The following CDSN variants were observed in gnomAD, a reference collection of about 807,000 sequenced individuals.
CDSN encodes the protein corneodesmosin, also known as S protein.
In CDSN, 11 loss-of-function variants were observed where a neutral mutation model predicts 25.6. That is an observed-to-expected ratio of 0.43 (90% confidence interval 0.27 to 0.71). The LOEUF is 0.71. Among genes scored for constraint, CDSN ranks in the 30% least tolerant of loss-of-function variants. The pLI is 0.20. For missense variants in CDSN, 598 were observed against 670.9 expected, an observed-to-expected ratio of 0.89 and a Z score of 1.20; for synonymous variants, 266 against 267.4, an observed-to-expected ratio of 0.99 and a Z score of 0.05.
Position 31,117,456 on chromosome 6 carries a change from G to C in CDSN, c.159C>G (p.Asp53Glu), listed in dbSNP as rs1362336139. The change falls in exon 2 of 2, where the codon GAC (aspartate) becomes GAG (glutamate). Residue 53 changes from aspartate to glutamate, a missense_variant. Coordinates refer to ENST00000376288, the MANE Select transcript of CDSN (RefSeq NM_001264.5). ...AGTCACCCTTCCCAGTGAGGCAGGG[G>C]TCGTTAGGGGAGGTGATACGCGTGG... is the stretch of plus-strand genomic sequence containing the variant. Reference protein sequence around the residue: ...KDPTRITSPNDPCLTGKGDSS... With the variant: ...KDPTRITSPNEPCLTGKGDSS... 1 of 1,555,828 alleles carries C rather than the reference G, an allele frequency of 6.4e-7. No homozygotes were observed.
At chr6:31,119,934 A>G (rs1660126249) in intron 1 of CDSN, among the ~76,000 whole-genome samples, 1 of 152,074 alleles carries the variant, frequency 6.6e-6, no homozygotes, top group African/African-American at 2.4e-5. Context: ...AAAAGTTCTA[A>G]TATATAATCC....
rs781230918 is a variant in CDSN at position 31,117,652 on chromosome 6, G to A, written c.86-123C>T. The stretch of plus-strand genomic sequence containing the variant: ...CAAGCAGAGCGCAGGGAGAGTTTAG[G>A]GATGGAGAAAGGAGGAAGAACTGGC... On this transcript the variant is annotated intron_variant, in intron 1 of 1. Coordinates refer to ENST00000376288, the MANE Select transcript of CDSN (RefSeq NM_001264.5). 48 of 815,228 alleles carry A rather than the reference G, an allele frequency of 5.9e-5. 1 individual carries two copies. Among genetic ancestry groups the A allele is most frequent in the Non-Finnish European group, 8.6e-5 (42 of 490,374 alleles). 50.5% of individuals were successfully genotyped at this position (815,228 alleles called of 1,614,324 possible).
In CDSN at chr6:31,120,387, A is replaced by G; in HGVS notation, c.33T>C (p.Arg11=). 1 of 1,593,770 alleles carries G rather than the reference A, an allele frequency of 6.3e-7. No individual in the cohort carries two copies. Among genetic ancestry groups the G allele is most frequent in the Non-Finnish European group, 8.5e-7 (1 of 1,170,970 alleles). Residue 11 remains arginine (R), a synonymous_variant, in exon 1 of 2, where the codon CGT becomes CGC. Coordinates refer to ENST00000376288, the MANE Select transcript of CDSN (RefSeq NM_001264.5). Reference sequence around the variant, plus strand: ...GTGCCATCATCCCGTGCCCACCCACACGCCCCATCCAGGGTGCCCGAGACG... The same window carrying G: ...GTGCCATCATCCCGTGCCCACCCACGCGCCCCATCCAGGGTGCCCGAGACG... MGSSRAPWMG[R]VGGHGMMALL... is the part of the protein sequence containing the mutation.
At position 31,117,077 on chromosome 6, in the gene CDSN, C is replaced by T. The variant is rs1772182677; in HGVS notation, c.538G>A (p.Asp180Asn). Residue 180 changes from aspartate (D) to asparagine (N), a missense_variant, in exon 2 of 2, where the codon GAC (aspartate) becomes AAC (asparagine). Asp to Asn is a conservative substitution (Grantham distance 23). Coordinates refer to ENST00000376288, the MANE Select transcript of CDSN (RefSeq NM_001264.5). The part of the protein sequence containing the change: ...VGNGSALPTN[D>N]NSYRGILNPS... Reference sequence around the variant, plus strand: ...TTTAGTATTCCGCGGTAAGAGTTGTCATTGGTTGGCAGAGCAGAGCCATTC... The same window carrying T: ...TTTAGTATTCCGCGGTAAGAGTTGTTATTGGTTGGCAGAGCAGAGCCATTC... 6.2e-7 allele frequency: 1 copy of T among 1,614,054 alleles called. No individual in the cohort carries two copies.
rs753307421 is a variant in CDSN, at chr6:31,116,186, G to T, written c.1429C>A (p.Pro477Thr). ...GGCTTGGCACCAGCGGAGGGATCAGGATGGGGAGAGCCATCGGGGCCCCCA... is the reference window on the plus strand; with the variant it reads ...GGCTTGGCACCAGCGGAGGGATCAGTATGGGGAGAGCCATCGGGGCCCCCA... ...LTGGPDGSPHPDPSAGAKPCG... is the reference protein window; with the variant it reads ...LTGGPDGSPHTDPSAGAKPCG... Residue 477 changes from proline (P) to threonine (T), a missense_variant, in exon 2 of 2, where the codon CCT becomes ACT. By Grantham distance (38) the Pro-to-Thr change is conservative. Transcript: ENST00000376288. The T allele has an allele frequency of 1.9e-6, 3 of 1,613,576 alleles. No individual in the cohort carries two copies. Among genetic ancestry groups the T allele is most frequent in the Non-Finnish European group, 2.5e-6 (3 of 1,179,718 alleles).
chr6:31,117,038 C>T lies in CDSN; in HGVS notation c.577G>A (p.Gly193Arg). Residue 193 changes from glycine (G) to arginine (R), a missense_variant, in exon 2 of 2, where the codon GGA (glycine) becomes AGA (arginine). Coordinates refer to ENST00000376288, the MANE Select transcript of CDSN (RefSeq NM_001264.5). ...YRGILNPSQP[G>R]QSSSSSQTFG... The stretch of plus-strand genomic sequence containing the variant: ...GTCTGGGAAGAGGAAGAGCTTTGTC[C>T]AGGCTGGGAAGGGTTTAGTATTCCG... The T allele has an allele frequency of 2.5e-6, 4 of 1,614,220 alleles. No homozygotes were observed. The highest frequency in any genetic ancestry group is 3.4e-6 in the Non-Finnish European group (4 of 1,180,034).
chr6:31,116,407 C>T lies in CDSN; in HGVS notation c.1208G>A (p.Ser403Asn). ...GGGTAAACCGGAGCTGCTGGAAATG[C>T]TAGAACTGCTGGGGACTCGAGAACT... is the stretch of plus-strand genomic sequence containing the variant. ...PSSSRVPSSS[S>N]ISSSSGLPYH... The change falls in exon 2 of 2, where the codon AGC becomes AAC. Residue 403 changes from serine to asparagine, a missense_variant. Transcript: ENST00000376288. 6.3e-7 allele frequency: 1 copy of T among 1,596,268 alleles called. No homozygotes were observed. Among genetic ancestry groups the T allele is most frequent in the Non-Finnish European group, 8.5e-7 (1 of 1,171,380 alleles).
chr6:31,116,578 G>C lies in CDSN; in HGVS notation c.1037C>G (p.Ser346Cys). The change falls in exon 2 of 2, where the codon TCT becomes TGT. Residue 346 changes from serine (S) to cysteine (C), a missense_variant. Ser to Cys is a moderately radical substitution (Grantham distance 112, BLOSUM62 -1). Coordinates refer to ENST00000376288, the MANE Select transcript of CDSN (RefSeq NM_001264.5). Reference sequence around the variant, plus strand: ...GTTGCTGGAGAAGTATTTGCCCTCAGAGATGGGGGGCCCAGCTGCAAAGGA... The same window carrying C: ...GTTGCTGGAGAAGTATTTGCCCTCACAGATGGGGGGCCCAGCTGCAAAGGA... The part of the protein sequence containing the change: ...VPSFAAGPPI[S>C]EGKYFSSNPI... 1.2e-6 allele frequency: 2 copies of C among 1,613,830 alleles called. No individual in the cohort carries two copies. The highest frequency in any genetic ancestry group is 8.5e-7 in the Non-Finnish European group (1 of 1,179,986).
At position 31,115,664 on chromosome 6, in the gene CDSN, T is replaced by C. The variant is rs772717288; in HGVS notation, c.*361A>G. 31 of 315,038 alleles carry C rather than the reference T, an allele frequency of 9.8e-5. No individual in the cohort carries two copies. Among genetic ancestry groups the C allele is most frequent in the Non-Finnish European group, 1.6e-4 (28 of 170,596 alleles). 19.5% of individuals were successfully genotyped at this position (315,038 alleles called of 1,614,324 possible). ...AGGCGTCAGAGGTGCTCTGAGAGCA[T>C]TTCAGGGGTTTCCCAGTTGAGAAGC... is the stretch of plus-strand genomic sequence containing the variant. On this transcript the variant is annotated 3_prime_UTR_variant, in exon 2 of 2. Coordinates refer to ENST00000376288, the MANE Select transcript of CDSN (RefSeq NM_001264.5). The surrounding 1 kb of genome is among the most constrained non-coding windows in gnomAD (Gnocchi z 4.2).
rs1772057296 is a variant in CDSN, at chr6:31,115,466, G to A, written c.*559C>T. The A allele has an allele frequency of 6.0e-6, 1 of 165,946 alleles. No individual in the cohort carries two copies. Among genetic ancestry groups the A allele is most frequent in the Non-Finnish European group, 1.3e-5 (1 of 75,242 alleles). The allele number at this position is 165,946 out of a possible 1,614,324, so 10.3% of individuals were successfully genotyped here. On this transcript the variant is annotated 3_prime_UTR_variant, in exon 2 of 2. Coordinates refer to ENST00000376288, the MANE Select transcript of CDSN (RefSeq NM_001264.5). The surrounding 1 kb of genome is among the most constrained non-coding windows in gnomAD (Gnocchi z 4.2). ...GTTGGGGACGGTGATCTAGGAGGGC[G>A]TGGTGAGCTCTGTAATGGAGGGTGG...
Position 31,116,971 on chromosome 6 carries a change from T to C in CDSN, c.644A>G (p.Gln215Arg). Residue 215 changes from glutamine (Q) to arginine (R), a missense_variant, in exon 2 of 2, where the codon CAG (glutamine) becomes CGG (arginine). Transcript: ENST00000376288. ...SSSGQSVSSN[Q>R]RPCSSDIPDS... ...GGGGATGTCCGAACTACAGGGACGCTGGTTGGAGCTGACGCTTTGGCCACT... is the reference window on the plus strand; with the variant it reads ...GGGGATGTCCGAACTACAGGGACGCCGGTTGGAGCTGACGCTTTGGCCACT... 6.2e-7 allele frequency: 1 copy of C among 1,614,164 alleles called. No individual in the cohort carries two copies. Among genetic ancestry groups the C allele is most frequent in the Non-Finnish European group, 8.5e-7 (1 of 1,180,032 alleles).
At chr6:31,120,233 CAAA>C (rs1772379583) in intron 1 of CDSN, 99 bp downstream of exon 1, 1 of 936,998 alleles carries the variant, frequency 1.1e-6, no homozygotes, top group South Asian at 1.4e-5. Flanking sequence ...CCCCCAGACT[CAAA>C]AGGCAGATTC....
At chr6:31,118,652 C>A (rs557623146) in intron 1 of CDSN, 1 of 152,412 alleles carries the variant, frequency 6.6e-6, no homozygotes, top group South Asian at 2.1e-4. Context: ...CTTTCACCTG[C>A]GTTCCTTCTG....
In CDSN at chr6:31,116,116, CGGATGGAGCGGCA is replaced by C. The variant is rs780284826; in HGVS notation, c.1486_1498del (p.Cys496GlyfsTer4). The stretch of plus-strand genomic sequence containing the variant: ...AGGCTTCACTTGGGCTAGGATATCC[CGGATGGAGCGGCA>C]GGGGATCTTTCCAGCACTGCTGGAG... On this transcript the variant is annotated frameshift_variant, in exon 2 of 2. Coordinates refer to ENST00000376288, the MANE Select transcript of CDSN (RefSeq NM_001264.5). LOFTEE classifies it high-confidence loss of function. The C allele has an allele frequency of 1.2e-6, 2 of 1,610,842 alleles. No homozygotes were observed. The highest frequency in any genetic ancestry group is 1.3e-5 in the African/African-American group (1 of 74,870).
rs1321662798 is a variant in CDSN at position 31,115,459 on chromosome 6, G to C, written c.*566C>G. Reference sequence around the variant, plus strand: ...TGGGTGTGTTGGGGACGGTGATCTAGGAGGGCGTGGTGAGCTCTGTAATGG... The same window carrying C: ...TGGGTGTGTTGGGGACGGTGATCTACGAGGGCGTGGTGAGCTCTGTAATGG... On this transcript the variant is annotated 3_prime_UTR_variant, in exon 2 of 2. Transcript: ENST00000376288. This position sits in a 1 kb window ranked among gnomAD's most constrained non-coding sequence, Gnocchi z 4.2. 6.0e-6 allele frequency: 1 copy of C among 165,962 alleles called. No homozygotes were observed. The highest frequency in any genetic ancestry group is 5.5e-5 in the Admixed American group (1 of 18,154). The allele number at this position is 165,962 out of a possible 1,614,324, so 10.3% of individuals were successfully genotyped here.
rs1228793447 is a variant in CDSN, at chr6:31,116,962, C to T, written c.653G>A (p.Cys218Tyr). The T allele has an allele frequency of 2.0e-5, 33 of 1,614,090 alleles. No individual in the cohort carries two copies. Among genetic ancestry groups the T allele is most frequent in the Non-Finnish European group, 2.6e-5 (31 of 1,180,032 alleles). ...GGGAGAGTCGGGGATGTCCGAACTA[C>T]AGGGACGCTGGTTGGAGCTGACGCT... is the stretch of plus-strand genomic sequence containing the variant. ...GQSVSSNQRP[C>Y]SSDIPDSPCS... The change falls in exon 2 of 2, where the codon TGT becomes TAT. Residue 218 changes from cysteine (C) to tyrosine (Y), a missense_variant. Physicochemically the swap from Cys to Tyr is radical, Grantham distance 194. Coordinates refer to ENST00000376288, the MANE Select transcript of CDSN (RefSeq NM_001264.5).
Position 31,117,068 on chromosome 6 carries a change from A to C in CDSN, c.547T>G (p.Tyr183Asp). 8 of 1,614,198 alleles carry C rather than the reference A, an allele frequency of 5.0e-6. No homozygotes were observed. Among genetic ancestry groups the C allele is most frequent in the Non-Finnish European group, 6.8e-6 (8 of 1,180,032 alleles). ...GSALPTNDNS[Y>D]RGILNPSQPG... ...TGGGAAGGGTTTAGTATTCCGCGGT[A>C]AGAGTTGTCATTGGTTGGCAGAGCA... The change falls in exon 2 of 2, where the codon TAC (tyrosine) becomes GAC (aspartate). Residue 183 changes from tyrosine (Y) to aspartate (D), a missense_variant. Tyr to Asp is a radical substitution (Grantham distance 160). Coordinates refer to ENST00000376288, the MANE Select transcript of CDSN (RefSeq NM_001264.5).
intron 1 of CDSN, 107 bp from the exon 2 acceptor site, chr6:31,117,636 C>T (rs1772238734): frequency 8.5e-6 from 8 of 939,470 alleles, no homozygotes; most frequent in Non-Finnish European, 1.3e-5. Flanking sequence ...CCAAGCAGAG[C>T]GCAGGGAGAG....
chr6:31,119,328 G>C (rs1772340103), intron 1 of CDSN, among the ~76,000 whole-genome samples: 1 of 152,190 alleles, frequency 6.6e-6, no homozygotes, highest in South Asian at 2.1e-4. Flanking sequence ...TCCTCTGCAC[G>C]AATCCACCAT....
Sources: gnomAD v4.1 joint callset for allele counts (sites outside exome capture counted in the v4.1 genomes callset) on GRCh38, gnomAD v4.1.1 for gene constraint, Gnocchi (gnomAD v3.1) non-coding constraint, MANE v1.5 for transcripts, NCBI Gene and HGNC (gene_info 2026-07-23, HGNC 2026-07-21) for gene names.